TMEM242: variants seen among roughly 807,000 people sequenced by gnomAD.
The protein encoded by TMEM242 is transmembrane protein 242, also known as UPF0463 transmembrane protein C6orf35.
A neutral mutation model predicts 18.2 loss-of-function variants in TMEM242; 10 were observed. That is an observed-to-expected ratio of 0.55 (90% confidence interval 0.34 to 0.93). The LOEUF is 0.93. Among genes scored for constraint, TMEM242 ranks in the 40% least tolerant of loss-of-function variants. TMEM242 has a pLI of 0.02. For missense variants in TMEM242, 186 were observed against 175.5 expected (o/e 1.06, Z -0.34); for synonymous variants, 57 against 69.9 (o/e 0.81, Z 0.92).
Position 157,289,890 on chromosome 6 carries a change from G to A in TMEM242, c.*3011C>T, listed in dbSNP as rs1554246757. 6.6e-6 allele frequency: 1 copy of A among 152,258 alleles called. No homozygotes were observed. Among genetic ancestry groups the A allele is most frequent in the Non-Finnish European group, 1.5e-5 (1 of 68,056 alleles). 9.4% of individuals were successfully genotyped at this position (152,258 alleles called of 1,614,324 possible). A position where few individuals can be genotyped will look rare whatever the true frequency, so the allele number is the denominator to read the frequency against. On this transcript the variant is annotated 3_prime_UTR_variant, in exon 4 of 4. Transcript: ENST00000400788. The stretch of plus-strand genomic sequence containing the variant: ...GCCCTGACGCGAGGGTGGTGGTGGA[G>A]ATGGCCCACGACCCTCTCAGCAGCC...
chr6:157,312,852 C>T (rs1554249452), intron 3 of TMEM242, among the ~76,000 whole-genome samples: 2 of 149,300 alleles, frequency 1.3e-5, no homozygotes, highest in African/African-American at 5.0e-5. Context: ...ACTCACCTGG[C>T]CTCATCATAG....
At chr6:157,322,098 T>C (rs939296030) in intron 2 of TMEM242, among the ~76,000 whole-genome samples, 1 of 152,204 alleles carries the variant, frequency 6.6e-6, no homozygotes, top group Admixed American at 6.5e-5. Flanking sequence ...ATAGCACACA[T>C]CAAATTGTAA....
chr6:157,293,479 C>T (rs1583554424), intron 3 of TMEM242, among the ~76,000 whole-genome samples: 1 of 152,226 alleles, frequency 6.6e-6, no homozygotes, highest in Admixed American at 6.5e-5. Flanking sequence ...TGTTGGCTTT[C>T]ATATATAAAG....
At chr6:157,299,479 C>T in intron 3 of TMEM242, 7 of 1,412,646 alleles carry the variant, frequency 5.0e-6, no homozygotes, top group Non-Finnish European at 7.0e-6. Context: ...GGATACCAAG[C>T]TTTTGTCCAA....
intron 3 of TMEM242, among the ~76,000 whole-genome samples, chr6:157,310,689 T>G (rs797034513): frequency 9.3e-5 from 2 of 21,460 alleles, no homozygotes; most frequent in African/African-American, 4.4e-4. Context: ...TGCGCTCACC[T>G]AGCCTCATCA....
intron 3 of TMEM242, among the ~76,000 whole-genome samples, chr6:157,312,799 C>A (rs1583570067): frequency 1.4e-5 from 2 of 144,686 alleles, no homozygotes; most frequent in African/African-American, 5.2e-5. Flanking sequence ...TCATAATGCC[C>A]CAGTGTGAAC....
intron 3 of TMEM242, chr6:157,318,543 C>T (rs1554250530): frequency 9.6e-6 from 5 of 520,318 alleles, no homozygotes; most frequent in Non-Finnish European, 1.7e-5. Context: ...TTATATAGAA[C>T]ATTAGCTATA....
intron 2 of TMEM242, among the ~76,000 whole-genome samples, chr6:157,319,535 T>C (rs1554250592): frequency 6.6e-6 from 1 of 152,210 alleles, no homozygotes; most frequent in African/African-American, 2.4e-5. Context: ...TTTCTGTTTA[T>C]TCAGGGAACT....
rs587657184 is a variant in TMEM242, at chr6:157,301,023, C to T, written c.328-8024G>A. ...CAATCTTAAGAACTAAATTCCCTTA[C>T]AGTTTCTGAGGAGGTGTCAACTTCA... On this transcript the variant is annotated intron_variant, in intron 3 of 3. Transcript: ENST00000400788. 2.0e-4 allele frequency among the ~76,000 whole-genome samples: 30 copies of T among 152,272 alleles called. No individual in the cohort carries two copies. The South Asian group carries it at 6.0e-3, about 31-fold the overall frequency.
At chr6:157,311,233 A>T (rs1778065532) in intron 3 of TMEM242, among the ~76,000 whole-genome samples, 1 of 114,324 alleles carries the variant, frequency 8.7e-6, no homozygotes, top group South Asian at 2.4e-4. Context: ...TAGCCTCATC[A>T]TAGTGTCCCA....
At chr6:157,318,516 C>T (rs1778443054) in intron 3 of TMEM242, 2 of 457,480 alleles carry the variant, frequency 4.4e-6, no homozygotes, top group East Asian at 3.5e-5. Context: ...ACCCACTGCA[C>T]TCGCCCTAAT....
At chr6:157,321,010 T>C (rs1360559105) in intron 2 of TMEM242, among the ~76,000 whole-genome samples, 2 of 148,954 alleles carry the variant, frequency 1.3e-5, no homozygotes, top group Non-Finnish European at 3.0e-5. Context: ...TTTTTTTTTT[T>C]TCTTTTTTTT....
intron 3 of TMEM242, among the ~76,000 whole-genome samples, chr6:157,317,684 T>C (rs1178972552): frequency 1.3e-5 from 2 of 152,166 alleles, no homozygotes; most frequent in Non-Finnish European, 2.9e-5. Flanking sequence ...CAAACGGATG[T>C]GTCAACCTCA....
In TMEM242 at chr6:157,311,159, CCCATCATAGTGTCCG is replaced by C. The variant is rs1554248632; in HGVS notation, c.327+7608_327+7622del. Among the ~76,000 whole-genome samples, 60 of 97,068 alleles carry C rather than the reference CCCATCATAGTGTCCG, an allele frequency of 6.2e-4. 5 individuals carry two copies. The highest frequency in any genetic ancestry group is 5.1e-3 in the Middle Eastern group (1 of 198). 63.7% of individuals were successfully genotyped at this position (97,068 alleles called of 152,430 possible). On this transcript the variant is annotated intron_variant, in intron 3 of 3. Transcript: ENST00000400788. ...GTGTCCCAGTGTGCACTCACCTAGC[CCCATCATAGTGTCCG>C]AATGTGCGCTCACCCAGCCTGATCA...
At chr6:157,320,141 T>C (rs1778469447) in intron 2 of TMEM242, among the ~76,000 whole-genome samples, 1 of 152,208 alleles carries the variant, frequency 6.6e-6, no homozygotes, top group Non-Finnish European at 1.5e-5. Flanking sequence ...ACAAACAATT[T>C]TACCTCTGAA....
Position 157,290,649 on chromosome 6 carries a change from C to T in TMEM242, c.*2252G>A, listed in dbSNP as rs1483149504. 1 of 152,184 alleles carries T rather than the reference C, an allele frequency of 6.6e-6. No homozygotes were observed. Among genetic ancestry groups the T allele is most frequent in the East Asian group, 1.9e-4 (1 of 5,200 alleles). The allele number at this position is 152,184 out of a possible 1,614,324, so 9.4% of individuals were successfully genotyped here. A position where few individuals can be genotyped will look rare whatever the true frequency, so the allele number is the denominator to read the frequency against. ...TGGTACAAAAGGAATAGACAAATGA[C>T]GAAATCTACTGATATTCAAGTTCTG... On this transcript the variant is annotated 3_prime_UTR_variant, in exon 4 of 4. Transcript: ENST00000400788.
chr6:157,312,896 G>C (rs1554249496), intron 3 of TMEM242, among the ~76,000 whole-genome samples: 269 of 144,314 alleles, frequency 1.9e-3, no homozygotes, highest in African/African-American at 2.9e-3. Flanking sequence ...CCTCATCATA[G>C]TGTCCCACTG....
At chr6:157,322,040 G>C (rs1778504879) in intron 2 of TMEM242, among the ~76,000 whole-genome samples, 1 of 152,152 alleles carries the variant, frequency 6.6e-6, no homozygotes, top group African/African-American at 2.4e-5. Context: ...AATGTAAGTG[G>C]AAAGGAAACT....
chr6:157,318,893 C>G lies in TMEM242; in HGVS notation c.216G>C (p.Pro72=), dbSNP rs376664299. ...GCAAGGCAAGGGAAGACCCGCTTTCCGGTAATGCAGCCGTGGCCATACTTC... is the reference window on the plus strand; with the variant it reads ...GCAAGGCAAGGGAAGACCCGCTTTCGGGTAATGCAGCCGTGGCCATACTTC... ...NKGSMATAAL[P]ESGSSLALRA... The change falls in exon 3 of 4, where the codon CCG becomes CCC. Residue 72 remains proline, a synonymous_variant. Coordinates refer to ENST00000400788, the MANE Select transcript of TMEM242 (RefSeq NM_018452.6). 1 of 1,609,850 alleles carries G rather than the reference C, an allele frequency of 6.2e-7. No individual in the cohort carries two copies. Among genetic ancestry groups the G allele is most frequent in the Non-Finnish European group, 8.5e-7 (1 of 1,178,630 alleles).
Sources: allele counts gnomAD v4.1 joint callset (sites outside exome capture counted in the v4.1 genomes callset), GRCh38; gene constraint gnomAD v4.1.1; transcripts MANE v1.5; gene names NCBI Gene and HGNC (gene_info 2026-07-23, HGNC 2026-07-21).